The following ABTB2 variants were observed in gnomAD, a reference collection of about 807,000 sequenced individuals.
ABTB2 encodes the protein ankyrin repeat and BTB domain containing 2.
A neutral mutation model predicts 104.1 loss-of-function variants in ABTB2; 56 were observed. The ratio of observed to expected loss-of-function variants is 0.54; its 90% CI spans 0.43 to 0.67. ABTB2 has a LOEUF of 0.67. Among genes scored for constraint, ABTB2 ranks in the 30% least tolerant of loss-of-function variants. ABTB2 has a pLI of 0.00. For missense variants in ABTB2, 1,279 were observed against 1,407.7 expected, an observed-to-expected ratio of 0.91 and a Z score of 1.46; for synonymous variants, 606 against 608.2, an observed-to-expected ratio of 1.00 and a Z score of 0.05.
intron 3 of ABTB2, among the ~76,000 whole-genome samples, chr11:34,177,281 C>T (rs1852969906): frequency 6.6e-6 from 1 of 152,196 alleles, no homozygotes; most frequent in Admixed American, 6.5e-5. Flanking sequence ...TAGAACTCAA[C>T]ACTTGAGAAA....
intron 1 of ABTB2, among the ~76,000 whole-genome samples, chr11:34,312,164 A>G (rs1366678317): frequency 6.6e-6 from 1 of 152,012 alleles, no homozygotes; most frequent in African/African-American, 2.4e-5. Flanking sequence ...AAGAAAAAGA[A>G]AAAGAAAAAG....
chr11:34,208,890 C>T (rs578117354), intron 1 of ABTB2, among the ~76,000 whole-genome samples: 3 of 152,264 alleles, frequency 2.0e-5, no homozygotes, highest in South Asian at 2.1e-4. Context: ...TCCCCTGCCC[C>T]CCTGGACCTG....
chr11:34,346,853 C>T (rs1425383984), intron 1 of ABTB2, among the ~76,000 whole-genome samples: 3 of 152,168 alleles, frequency 2.0e-5, no homozygotes, highest in African/African-American at 7.2e-5. Context: ...GCACGTACAC[C>T]CACTTGGTGT....
Position 34,162,675 on chromosome 11 carries a change from C to G in ABTB2, c.2119G>C (p.Val707Leu), listed in dbSNP as rs142325682. 8 of 1,612,986 alleles carry G rather than the reference C, an allele frequency of 5.0e-6. No homozygotes were observed. The African/African-American group carries it at 1.1e-4, about 22-fold the overall frequency. Residue 707 changes from valine to leucine, a missense_variant, in exon 10 of 17, where the codon GTG becomes CTG. By Grantham distance (32) the Val-to-Leu change is conservative. Transcript: ENST00000435224. The stretch of plus-strand genomic sequence containing the variant: ...TTGGTGCGGGTCCGGCTCAGCCGCA[C>G]GGGCCCCTCGCTGCCACTGCCCTGG... ...SSQGSGSEGP[V>L]RLSRTRTKAL...
chr11:34,347,804 G>A (rs1855350915), intron 1 of ABTB2, among the ~76,000 whole-genome samples: 1 of 152,114 alleles, frequency 6.6e-6, no homozygotes, highest in South Asian at 2.1e-4. Flanking sequence ...CAGCATCTCT[G>A]AGAATTGAGC....
intron 1 of ABTB2, among the ~76,000 whole-genome samples, chr11:34,354,434 G>A (rs1855438422): frequency 8.0e-6 from 1 of 124,396 alleles, no homozygotes; most frequent in African/African-American, 3.0e-5. Context: ...AACCAGCCTG[G>A]GCAACATAGC....
intron 1 of ABTB2, among the ~76,000 whole-genome samples, chr11:34,254,199 T>G (rs1854091562): frequency 6.6e-6 from 1 of 152,160 alleles, no homozygotes. Context: ...CTTCCATGAC[T>G]GTAAACTCAT....
In ABTB2 at chr11:34,160,291, G is replaced by A; in HGVS notation, c.2460C>T (p.Ile820=). The A allele has an allele frequency of 6.2e-7, 1 of 1,614,218 alleles. No homozygotes were observed. Among genetic ancestry groups the A allele is most frequent in the East Asian group, 2.2e-5 (1 of 44,866 alleles). The stretch of plus-strand genomic sequence containing the variant: ...TCTTCCGGATCTCTGGGATGCTGGG[G>A]ATGGGACTGCTGCCATAGCAGTGGG... ...IFTHCYGSSP[I]PSIPEIRKTL... Residue 820 remains isoleucine, a synonymous_variant, in exon 12 of 17, where the codon ATC becomes ATT. Transcript: ENST00000435224.
At chr11:34,333,154 A>T (rs1224810466) in intron 1 of ABTB2, among the ~76,000 whole-genome samples, 3 of 152,224 alleles carry the variant, frequency 2.0e-5, no homozygotes, top group African/African-American at 7.2e-5. Context: ...AAGGTTTAAT[A>T]ATTTACCTAC....
intron 1 of ABTB2, among the ~76,000 whole-genome samples, chr11:34,261,410 C>T (rs140096654): frequency 2.7e-3 from 403 of 152,022 alleles, no homozygotes; most frequent in African/African-American, 8.7e-3. Flanking sequence ...TTTTTTCATA[C>T]ATTTGAAAGA....
chr11:34,281,335 A>T (rs1854447030), intron 1 of ABTB2, among the ~76,000 whole-genome samples: 1 of 152,088 alleles, frequency 6.6e-6, no homozygotes, highest in African/African-American at 2.4e-5. Context: ...ACTGGCTTGA[A>T]ACCACCCTGA....
intron 1 of ABTB2, among the ~76,000 whole-genome samples, chr11:34,209,037 C>G (rs1228715224): frequency 1.3e-5 from 2 of 152,194 alleles, no homozygotes; most frequent in African/African-American, 4.8e-5. Context: ...GCACATCTAA[C>G]TATCCTTTAA....
intron 1 of ABTB2, among the ~76,000 whole-genome samples, chr11:34,226,414 T>C (rs1853687348): frequency 6.6e-6 from 1 of 152,032 alleles, no homozygotes; most frequent in African/African-American, 2.4e-5. Context: ...GGAAGCTGCC[T>C]CCTTAAGGAG....
intron 1 of ABTB2, among the ~76,000 whole-genome samples, chr11:34,213,275 C>T (rs148152280): frequency 0.011 from 1,645 of 152,266 alleles, 27 homozygotes; most frequent in African/African-American, 0.037. Flanking sequence ...GTCAGGAGTT[C>T]GAGACCAGCC....
At chr11:34,167,782 C>T (rs966870919) in intron 6 of ABTB2, 121 bp downstream of exon 6, 79 of 1,045,732 alleles carry the variant, frequency 7.6e-5, no homozygotes, top group Middle Eastern at 2.7e-4. Context: ...CTTGTCTTTC[C>T]GGTCTTTTGA....
intron 3 of ABTB2, among the ~76,000 whole-genome samples, chr11:34,185,624 G>A (rs1021729014): frequency 2.6e-5 from 4 of 152,206 alleles, no homozygotes; most frequent in Non-Finnish European, 5.9e-5. Flanking sequence ...GCTAGACAAA[G>A]GTGATTAGTC....
chr11:34,342,122 A>G (rs1590263646), intron 1 of ABTB2, among the ~76,000 whole-genome samples: 1 of 152,254 alleles, frequency 6.6e-6, no homozygotes, highest in Non-Finnish European at 1.5e-5. Context: ...AACAGCTTCC[A>G]AACATTCTTC....
chr11:34,350,419 C>G (rs546510171), intron 1 of ABTB2, among the ~76,000 whole-genome samples: 2 of 152,218 alleles, frequency 1.3e-5, no homozygotes, highest in Non-Finnish European at 1.5e-5. Flanking sequence ...TGCGGCTTCT[C>G]TATTCAGCTG....
intron 12 of ABTB2, 82 bp from the exon 13 acceptor site, chr11:34,160,090 CTG>C: frequency 7.5e-7 from 1 of 1,336,762 alleles, no homozygotes; most frequent in Non-Finnish European, 1.1e-6. Context: ...AGGTGCGTGT[CTG>C]GGGTTGGGGG....
Sources: gnomAD v4.1 joint callset for allele counts (sites outside exome capture counted in the v4.1 genomes callset) on GRCh38, gnomAD v4.1.1 for gene constraint, MANE v1.5 for transcripts, NCBI Gene and HGNC (gene_info 2026-07-23, HGNC 2026-07-21) for gene names.